Variants in TRDN observed in about 807,000 individuals in gnomAD.
The protein encoded by TRDN is triadin in skeletal muscle.
In TRDN, 161 loss-of-function variants were observed where a neutral mutation model predicts 149.7. That is an observed-to-expected ratio of 1.08 (90% CI 0.95 to 1.23). TRDN has a LOEUF of 1.23. Ranked by LOEUF, TRDN falls within the 50% of genes most tolerant of loss-of-function variation. TRDN has a pLI of 0.00. For synonymous variants in TRDN, 294 were observed against 250.5 expected (o/e 1.17, Z -1.64); for missense variants, 896 against 823.5 (o/e 1.09, Z -1.08).
intron 1 of TRDN, among the ~76,000 whole-genome samples, chr6:123,592,136 G>A (rs1411916985): frequency 6.6e-6 from 1 of 152,134 alleles, no homozygotes; most frequent in Non-Finnish European, 1.5e-5. Context: ...AAATTTTTGT[G>A]AGGAAGAAAT....
In TRDN at chr6:123,382,125, A is replaced by C; in HGVS notation, c.1158T>G (p.Pro386=). The C allele has an allele frequency of 6.7e-7, 1 of 1,499,022 alleles. No individual in the cohort carries two copies. Among genetic ancestry groups the C allele is most frequent in the African/African-American group, 1.4e-5 (1 of 69,622 alleles). 92.9% of individuals were successfully genotyped at this position (1,499,022 alleles called of 1,614,324 possible). ...AAGAAATATGTCCAGTACCTTCTGCAGGTTTTTTTGTTTTCTTGGAATCTG... is the reference window on the plus strand; with the variant it reads ...AAGAAATATGTCCAGTACCTTCTGCCGGTTTTTTTGTTTTCTTGGAATCTG... ...KKEDSKKTKK[P]AEVEQPKGKK... Residue 386 remains proline, a synonymous_variant, in exon 15 of 41, where the codon CCT becomes CCG. Transcript: ENST00000334268.
chr6:123,307,532 T>G (rs1462791564), intron 24 of TRDN, among the ~76,000 whole-genome samples: 3 of 152,012 alleles, frequency 2.0e-5, no homozygotes, highest in Non-Finnish European at 2.9e-5. Flanking sequence ...CACTTATGAT[T>G]GATGCATTTT....
At chr6:123,630,951 G>A (rs544305531) in intron 1 of TRDN, among the ~76,000 whole-genome samples, 1 of 151,908 alleles carries the variant, frequency 6.6e-6, no homozygotes, top group African/African-American at 2.4e-5. Context: ...AAGAGTGGTT[G>A]AGTAGTGGAG....
rs572029827 is a variant in TRDN at position 123,446,584 on chromosome 6, C to CAAA, written c.932-7584_932-7582dup. Reference sequence around the variant, plus strand: ...TGGGCAACAGAGCCAGATTCCATCTCAAAAAAAAAAAAAAAAAAAAAAAAA... The same window carrying CAAA: ...TGGGCAACAGAGCCAGATTCCATCTCAAAAAAAAAAAAAAAAAAAAAAAAAAAA... On this transcript the variant is annotated intron_variant, in intron 10 of 40. Transcript: ENST00000334268. 8.5e-3 allele frequency among the ~76,000 whole-genome samples: 510 copies of CAAA among 60,116 alleles called. 2 individuals carry two copies. Among genetic ancestry groups the CAAA allele is most frequent in the East Asian group, 0.01 (15 of 1,474 alleles). 39.4% of individuals were successfully genotyped at this position (60,116 alleles called of 152,430 possible). A position where few individuals can be genotyped will look rare whatever the true frequency, so the allele number is the denominator to read the frequency against.
chr6:123,308,925 C>A (rs535047651), intron 24 of TRDN, among the ~76,000 whole-genome samples: 50 of 152,028 alleles, frequency 3.3e-4, no homozygotes, highest in African/African-American at 1.2e-3. Context: ...CTTAAAAAAT[C>A]ATTTACTGAA....
intron 35 of TRDN, 45 bp downstream of exon 35, chr6:123,259,579 T>G: frequency 7.5e-7 from 1 of 1,335,828 alleles, no homozygotes; most frequent in Non-Finnish European, 1.0e-6. Flanking sequence ...GTTCCTCTGT[T>G]TTTGTGGCTA....
intron 9 of TRDN, among the ~76,000 whole-genome samples, chr6:123,474,669 T>C (rs2114748237): frequency 6.6e-6 from 1 of 152,042 alleles, no homozygotes; most frequent in East Asian, 1.9e-4. Context: ...GACCACATAC[T>C]TGGAAGTAAA....
intron 38 of TRDN, 57 bp downstream of exon 38, chr6:123,252,355 C>T (rs1408985072): frequency 2.8e-6 from 3 of 1,067,102 alleles, no homozygotes; most frequent in African/African-American, 1.6e-5. Context: ...TGAATTTCAT[C>T]TTAAAATTGA....
intron 12 of TRDN, among the ~76,000 whole-genome samples, chr6:123,417,594 T>C (rs967194733): frequency 6.6e-6 from 1 of 152,212 alleles, no homozygotes; most frequent in Non-Finnish European, 1.5e-5. Context: ...GTTTCTTTTT[T>C]CCTCATTCCC....
At chr6:123,418,224 C>T in intron 12 of TRDN, among the ~76,000 whole-genome samples, 1 of 151,958 alleles carries the variant, frequency 6.6e-6, no homozygotes, top group Non-Finnish European at 1.5e-5. Flanking sequence ...GCACTGTTGC[C>T]CTCCAGCAAC....
At chr6:123,535,775 C>T (rs1284255354) in intron 4 of TRDN, among the ~76,000 whole-genome samples, 5 of 151,758 alleles carry the variant, frequency 3.3e-5, no homozygotes, top group Non-Finnish European at 5.9e-5. Context: ...TTCAGGATTC[C>T]GATGATCTGT....
chr6:123,636,800 GT>G lies in TRDN; in HGVS notation c.-26del, dbSNP rs757967816. 1 of 1,611,370 alleles carries G rather than the reference GT, an allele frequency of 6.2e-7. No individual in the cohort carries two copies. Among genetic ancestry groups the G allele is most frequent in the Non-Finnish European group, 8.5e-7 (1 of 1,178,264 alleles). On this transcript the variant is annotated 5_prime_UTR_variant, in exon 1 of 41. Coordinates refer to ENST00000334268, the MANE Select transcript of TRDN (RefSeq NM_006073.4). ...TGGTGGTCGTCAAAAGTAAAAGTCA[GT>G]TGAAAAGTTCCCGTCAAGTTGCACT...
At chr6:123,546,944 G>T (rs1781142086) in intron 4 of TRDN, among the ~76,000 whole-genome samples, 1 of 151,762 alleles carries the variant, frequency 6.6e-6, no homozygotes, top group African/African-American at 2.4e-5. Context: ...GCAAAATAAT[G>T]ATGGCAAAAA....
intron 19 of TRDN, among the ~76,000 whole-genome samples, chr6:123,369,087 A>C (rs897196921): frequency 1.3e-5 from 2 of 152,162 alleles, no homozygotes; most frequent in Non-Finnish European, 2.9e-5. Context: ...CCTCTAAAGG[A>C]TCTTGGGAAG....
At chr6:123,279,315 A>G (rs978596383) in intron 24 of TRDN, among the ~76,000 whole-genome samples, 4 of 152,122 alleles carry the variant, frequency 2.6e-5, no homozygotes, top group Admixed American at 2.6e-4. Context: ...GTTTTAGGCC[A>G]TATAGTCTCT....
chr6:123,348,671 C>G (rs1169761771), intron 21 of TRDN, among the ~76,000 whole-genome samples: 1 of 151,994 alleles, frequency 6.6e-6, no homozygotes, highest in Non-Finnish European at 1.5e-5. Flanking sequence ...ATTAAAGATT[C>G]TTAAGGGAAA....
intron 1 of TRDN, among the ~76,000 whole-genome samples, chr6:123,586,832 C>T (rs889286693): frequency 6.6e-6 from 1 of 151,684 alleles, no homozygotes; most frequent in Non-Finnish European, 1.5e-5. Flanking sequence ...TTCTTACCCT[C>T]CAGAAAAGCG....
At chr6:123,388,460 A>C in intron 14 of TRDN, 62 bp downstream of exon 14, 1 of 1,547,858 alleles carries the variant, frequency 6.5e-7, no homozygotes, top group Non-Finnish European at 8.8e-7. Flanking sequence ...GTCAAAACCC[A>C]ACTCAGGATA....
intron 24 of TRDN, among the ~76,000 whole-genome samples, chr6:123,290,291 G>T (rs1473359582): frequency 1.3e-5 from 2 of 151,908 alleles, no homozygotes; most frequent in East Asian, 3.9e-4. Flanking sequence ...CAGTTGTCTT[G>T]TATAGGTCAT....
Sources: gnomAD v4.1 joint callset for allele counts (sites outside exome capture counted in the v4.1 genomes callset) on GRCh38, gnomAD v4.1.1 for gene constraint, MANE v1.5 for transcripts, NCBI Gene and HGNC (gene_info 2026-07-23, HGNC 2026-07-21) for gene names.